The following LRRC28 variants were observed in gnomAD, a reference collection of about 807,000 sequenced individuals.
LRRC28 encodes the protein leucine rich repeat containing 28.
A neutral mutation model predicts 45.7 loss-of-function variants in LRRC28; 39 were observed. The observed-to-expected ratio is 0.85, with a 90% confidence interval of 0.66 to 1.12. The LOEUF (loss-of-function observed/expected upper bound fraction) is 1.12. LRRC28 is among the 50% of genes most tolerant of loss of function. The probability of loss-of-function intolerance (pLI) is 0.00; values close to 1 mark genes in which losing one functional copy is unlikely to be tolerated. For missense variants in LRRC28, 435 were observed against 438.5 expected, an observed-to-expected ratio of 0.99 and a Z score of 0.07; for synonymous variants, 206 against 178.8, an observed-to-expected ratio of 1.15 and a Z score of -1.22.
chr15:99,300,984 A>T (rs2152243171), intron 5 of LRRC28, among the ~76,000 whole-genome samples: 1 of 152,308 alleles, frequency 6.6e-6, no homozygotes, highest in Non-Finnish European at 1.5e-5. Context: ...ATTTTTCTGT[A>T]CAGCTCTGTG....
At chr15:99,362,886 TG>T (rs1205754116) in intron 8 of LRRC28, among the ~76,000 whole-genome samples, 1 of 152,210 alleles carries the variant, frequency 6.6e-6, no homozygotes, top group Non-Finnish European at 1.5e-5. Context: ...GCTCTTAAAA[TG>T]AGTGAATTTG....
chr15:99,257,652 G>T, intron 2 of LRRC28: 1 of 725,986 alleles, frequency 1.4e-6, no homozygotes, highest in Non-Finnish European at 2.6e-6. Flanking sequence ...TGGGTGCTGG[G>T]GCCTCTGCTG....
At chr15:99,362,827 A>G (rs1957239174) in intron 8 of LRRC28, among the ~76,000 whole-genome samples, 1 of 152,190 alleles carries the variant, frequency 6.6e-6, no homozygotes, top group African/African-American at 2.4e-5. Flanking sequence ...TGTTCTTAAA[A>G]AATATTTTAT....
At position 99,320,983 on chromosome 15, in the gene LRRC28, C is replaced by G. The variant is rs533015384; in HGVS notation, c.386-12940C>G. ...CAAAAACAAAAGAACATCATTCTTACAAGAATGCCTCTGAGCTGTCATTGA... is the reference window on the plus strand; with the variant it reads ...CAAAAACAAAAGAACATCATTCTTAGAAGAATGCCTCTGAGCTGTCATTGA... On this transcript the variant is annotated intron_variant, in intron 5 of 9. Transcript: ENST00000301981. Among the ~76,000 whole-genome samples, 3 of 152,252 alleles carry G rather than the reference C, an allele frequency of 2.0e-5. No individual in the cohort carries two copies. The South Asian group carries it at 6.2e-4, about 32-fold the overall frequency.
intron 2 of LRRC28, among the ~76,000 whole-genome samples, chr15:99,260,200 C>T (rs1385721600): frequency 6.6e-6 from 1 of 151,964 alleles, no homozygotes; most frequent in Non-Finnish European, 1.5e-5. Flanking sequence ...TTAAACATAC[C>T]TCATGAATGT....
Position 99,361,399 on chromosome 15 carries a change from C to T in LRRC28, c.759C>T (p.Thr253=), listed in dbSNP as rs771361185. ...KLLSFSSGQR[T]VFLPAEVKAI... ...TTTCCTTTTCATCAGGGCAGCGAACCGTTTTCCTCCCAGCTGAGGTGAAGG... is the reference window on the plus strand; with the variant it reads ...TTTCCTTTTCATCAGGGCAGCGAACTGTTTTCCTCCCAGCTGAGGTGAAGG... The change falls in exon 8 of 10, where the codon ACC becomes ACT. Residue 253 remains threonine (T), a synonymous_variant. Transcript: ENST00000301981. 8 of 1,613,762 alleles carry T rather than the reference C, an allele frequency of 5.0e-6. No homozygotes were observed. Among genetic ancestry groups the T allele is most frequent in the Admixed American group, 1.7e-5 (1 of 59,968 alleles).
chr15:99,339,166 A>G (rs1956422308), intron 6 of LRRC28, among the ~76,000 whole-genome samples: 1 of 152,158 alleles, frequency 6.6e-6, no homozygotes, highest in African/African-American at 2.4e-5. Context: ...TTTTTTCTCT[A>G]AGGCTTTTTA....
Position 99,386,826 on chromosome 15 carries a change from A to G in LRRC28, c.*724A>G, listed in dbSNP as rs1018136786. 6.6e-6 allele frequency: 1 copy of G among 152,208 alleles called. No homozygotes were observed. The highest frequency in any genetic ancestry group is 1.5e-5 in the Non-Finnish European group (1 of 68,032). The allele number at this position is 152,208 out of a possible 1,614,324, so 9.4% of individuals were successfully genotyped here. ...CAGAAAAATGATTTTTGAAGTTTTT[A>G]AATTTCCTGATAAGATTTTTTTTAT... On this transcript the variant is annotated 3_prime_UTR_variant, in exon 10 of 10. Coordinates refer to ENST00000301981, the MANE Select transcript of LRRC28 (RefSeq NM_144598.5).
At chr15:99,367,841 A>T (rs927065176) in intron 9 of LRRC28, among the ~76,000 whole-genome samples, 2 of 152,062 alleles carry the variant, frequency 1.3e-5, no homozygotes, top group African/African-American at 4.8e-5. Flanking sequence ...TAAACCATTG[A>T]TGATTGGTGA....
intron 2 of LRRC28, chr15:99,258,734 C>T (rs900223190): frequency 1.4e-5 from 10 of 698,480 alleles, no homozygotes; most frequent in African/African-American, 8.7e-5. Flanking sequence ...GGCTTGTATT[C>T]ACTTTACTGC....
chr15:99,363,026 G>A, intron 8 of LRRC28, 80 bp from the exon 9 acceptor site: 1 of 1,441,336 alleles, frequency 6.9e-7, no homozygotes, highest in Non-Finnish European at 9.3e-7. Flanking sequence ...GAACTTATTT[G>A]GTAACAAATA....
At chr15:99,340,217 A>G (rs754242646) in intron 6 of LRRC28, among the ~76,000 whole-genome samples, 45 of 152,228 alleles carry the variant, frequency 3.0e-4, no homozygotes, top group Non-Finnish European at 3.4e-4. Flanking sequence ...ATTTGTTTGT[A>G]GGAATTGGAT....
chr15:99,305,081 G>A (rs908270719), intron 5 of LRRC28, among the ~76,000 whole-genome samples: 9 of 152,132 alleles, frequency 5.9e-5, no homozygotes, highest in Admixed American at 3.3e-4. Flanking sequence ...GAAGTGAAAG[G>A]CTCTGGGTTT....
chr15:99,280,005 A>G (rs2081738229), intron 3 of LRRC28, among the ~76,000 whole-genome samples: 1 of 152,086 alleles, frequency 6.6e-6, no homozygotes, highest in African/African-American at 2.4e-5. Flanking sequence ...AGTCATTTGG[A>G]TAGATATGTG....
rs535093412 is a variant in LRRC28 at position 99,371,880 on chromosome 15, C to T, written c.1031+8615C>T. Among the ~76,000 whole-genome samples the T allele has an allele frequency of 5.3e-5, 8 of 152,368 alleles. No individual in the cohort carries two copies. In the South Asian group the frequency reaches 8.3e-4, roughly 16 times the overall value. ...TCTGCTTTGACCCCACCACCTAATT[C>T]TTTTCTCATACATATCTCATTCCTA... On this transcript the variant is annotated intron_variant, in intron 9 of 9. Transcript: ENST00000301981.
intron 5 of LRRC28, among the ~76,000 whole-genome samples, chr15:99,289,758 C>G (rs994425527): frequency 6.8e-6 from 1 of 147,764 alleles, no homozygotes; most frequent in South Asian, 2.2e-4. Flanking sequence ...AAGGTGAAAC[C>G]CCGTCTCTAC....
At chr15:99,325,165 A>G (rs1955931040) in intron 5 of LRRC28, among the ~76,000 whole-genome samples, 1 of 151,624 alleles carries the variant, frequency 6.6e-6, no homozygotes, top group South Asian at 2.1e-4. Context: ...TCAGTTTATT[A>G]CCAAGTATAT....
intron 5 of LRRC28, among the ~76,000 whole-genome samples, chr15:99,299,986 A>G (rs1218298078): frequency 6.6e-6 from 1 of 152,206 alleles, no homozygotes; most frequent in African/African-American, 2.4e-5. Flanking sequence ...ATCTGCTGAC[A>G]TCTCTGCTCC....
intron 9 of LRRC28, among the ~76,000 whole-genome samples, chr15:99,382,217 A>T (rs187808580): frequency 1.4e-3 from 207 of 152,300 alleles, no homozygotes; most frequent in African/African-American, 4.1e-3. Flanking sequence ...TACCTACTCA[A>T]GCCTCAGCAA....
Sources: gnomAD v4.1 joint callset for allele counts (sites outside exome capture counted in the v4.1 genomes callset) on GRCh38, gnomAD v4.1.1 for gene constraint, MANE v1.5 for transcripts, NCBI Gene and HGNC (gene_info 2026-07-23, HGNC 2026-07-21) for gene names.